Variants in CTNNA3 observed in about 807,000 individuals in gnomAD.
The protein encoded by CTNNA3 is catenin alpha 3.
Under a neutral mutation model 95.7 loss-of-function variants are expected in CTNNA3, and 76 were observed. The observed-to-expected ratio is 0.79, with a 90% CI of 0.66 to 0.96. CTNNA3 has a LOEUF of 0.96. CTNNA3 is among the 40% of genes least tolerant of loss of function. The probability of loss-of-function intolerance (pLI) is 0.00; values close to 1 mark genes in which losing one functional copy is unlikely to be tolerated. For synonymous variants in CTNNA3, 431 were observed against 374.4 expected (o/e 1.15, Z -1.74); for missense variants, 1,191 against 1,089.8 (o/e 1.09, Z -1.31).
chr10:67,649,595 T>C (rs1012076976), intron 1 of CTNNA3, among the ~76,000 whole-genome samples: 21 of 152,242 alleles, frequency 1.4e-4, no homozygotes, highest in African/African-American at 5.1e-4. Context: ...ATATAATTAT[T>C]AATCTTTAAA....
chr10:66,119,626 AATAAG>A (rs1372697930), intron 13 of CTNNA3, among the ~76,000 whole-genome samples: 8 of 152,176 alleles, frequency 5.3e-5, no homozygotes, highest in African/African-American at 1.9e-4. Flanking sequence ...ATAATGAAAA[AATAAG>A]ATAACTTATA....
rs556946327 is a variant in CTNNA3, at chr10:67,483,041, G to A, written c.579+38801C>T. On this transcript the variant is annotated intron_variant, in intron 5 of 17. Coordinates refer to ENST00000433211, the MANE Select transcript of CTNNA3 (RefSeq NM_013266.4). The stretch of plus-strand genomic sequence containing the variant: ...ATGCTCACCATCACTGGCCATCAGA[G>A]AAATGCAAATCAAAACCACAATGAG... 2.3e-3 allele frequency among the ~76,000 whole-genome samples: 355 copies of A among 152,206 alleles called. 2 individuals carry two copies. The highest frequency in any genetic ancestry group is 8.1e-3 in the African/African-American group (336 of 41,496).
chr10:67,232,935 G>A lies in CTNNA3; in HGVS notation c.580-13065C>T, dbSNP rs1024907935. Among the ~76,000 whole-genome samples, 10 of 152,242 alleles carry A rather than the reference G, an allele frequency of 6.6e-5. No individual in the cohort carries two copies. In the East Asian group the frequency reaches 1.7e-3, roughly 26 times the overall value. Reference sequence around the variant, plus strand: ...AAGAAGGCCATTACATAACGGTAAAGGGATCAATTCAACAAGAAGAGCTAA... The same window carrying A: ...AAGAAGGCCATTACATAACGGTAAAAGGATCAATTCAACAAGAAGAGCTAA... On this transcript the variant is annotated intron_variant, in intron 5 of 17. Coordinates refer to ENST00000433211, the MANE Select transcript of CTNNA3 (RefSeq NM_013266.4).
chr10:67,681,061 G>A (rs770038415), intron 1 of CTNNA3, among the ~76,000 whole-genome samples: 1 of 152,198 alleles, frequency 6.6e-6, no homozygotes, highest in Non-Finnish European at 1.5e-5. Flanking sequence ...ACTGAGGGTT[G>A]TAAAAGAAGA....
At chr10:66,884,396 T>C (rs1844962554) in intron 7 of CTNNA3, among the ~76,000 whole-genome samples, 1 of 152,116 alleles carries the variant, frequency 6.6e-6, no homozygotes, top group South Asian at 2.1e-4. Flanking sequence ...GGAGGAATTG[T>C]ATGATTTTCA....
chr10:66,556,077 A>G (rs1842380113), intron 10 of CTNNA3, among the ~76,000 whole-genome samples: 1 of 152,102 alleles, frequency 6.6e-6, no homozygotes, highest in Non-Finnish European at 1.5e-5. Context: ...TTTTCCCAAA[A>G]AGGCATAAAA....
intron 6 of CTNNA3, among the ~76,000 whole-genome samples, chr10:67,203,840 C>A (rs924561489): frequency 2.0e-5 from 3 of 152,094 alleles, no homozygotes; most frequent in Non-Finnish European, 2.9e-5. Flanking sequence ...GGTTTCCAAG[C>A]CAGATTATCT....
intron 3 of CTNNA3, among the ~76,000 whole-genome samples, chr10:67,600,293 T>C (rs1044037126): frequency 6.6e-6 from 1 of 152,260 alleles, no homozygotes; most frequent in African/African-American, 2.4e-5. Flanking sequence ...TCTTCTTGAC[T>C]TTGAAGTAGT....
At chr10:67,394,380 T>G (rs1238864434) in intron 5 of CTNNA3, among the ~76,000 whole-genome samples, 1 of 151,590 alleles carries the variant, frequency 6.6e-6, no homozygotes, top group Non-Finnish European at 1.5e-5. Context: ...ACATCAGTAT[T>G]GTAAAATACA....
At chr10:66,288,523 T>A (rs1416609980) in intron 12 of CTNNA3, among the ~76,000 whole-genome samples, 1 of 152,158 alleles carries the variant, frequency 6.6e-6, no homozygotes. Context: ...TGTTGTTTAA[T>A]ACAGTGGCCA....
intron 7 of CTNNA3, among the ~76,000 whole-genome samples, chr10:67,054,010 A>C (rs908068849): frequency 1.3e-5 from 2 of 152,168 alleles, no homozygotes; most frequent in Admixed American, 1.3e-4. Flanking sequence ...CGATATCTCT[A>C]AAAGAGCCCA....
At chr10:67,124,370 GTGT>G (rs1859613647) in intron 7 of CTNNA3, among the ~76,000 whole-genome samples, 3 of 150,172 alleles carry the variant, frequency 2.0e-5, no homozygotes, top group African/African-American at 7.4e-5. Flanking sequence ...GTGTGTGTGT[GTGT>G]GGTCTATAAA....
At chr10:66,752,744 G>T (rs1372148720) in intron 9 of CTNNA3, among the ~76,000 whole-genome samples, 1 of 151,432 alleles carries the variant, frequency 6.6e-6, no homozygotes, top group Admixed American at 6.6e-5. Context: ...AAGAAAATAG[G>T]GCTTGAAAAT....
At chr10:67,307,245 A>T (rs948824790) in intron 5 of CTNNA3, among the ~76,000 whole-genome samples, 3 of 152,254 alleles carry the variant, frequency 2.0e-5, no homozygotes, top group Non-Finnish European at 4.4e-5. Flanking sequence ...TTCTATTGCT[A>T]CATTTTCGGT....
At chr10:66,264,747 C>A (rs566596301) in intron 13 of CTNNA3, among the ~76,000 whole-genome samples, 1 of 152,040 alleles carries the variant, frequency 6.6e-6, no homozygotes, top group Admixed American at 6.6e-5. Flanking sequence ...TGGAGAAATA[C>A]AACAGACTCA....
chr10:66,881,706 G>T (rs992660221), intron 7 of CTNNA3, among the ~76,000 whole-genome samples: 1 of 152,050 alleles, frequency 6.6e-6, no homozygotes, highest in African/African-American at 2.4e-5. Context: ...TTTTTCAAAA[G>T]AGAAGATGCT....
intron 5 of CTNNA3, among the ~76,000 whole-genome samples, chr10:67,407,585 G>A (rs549118393): frequency 1.1e-3 from 172 of 152,238 alleles, no homozygotes; most frequent in African/African-American, 3.9e-3. Context: ...GCAAGAAAAA[G>A]AAATAATGTG....
In CTNNA3 at chr10:66,514,969, T is replaced by C. The variant is rs193002425; in HGVS notation, c.1531+5648A>G. Among the ~76,000 whole-genome samples, 1,460 of 152,164 alleles carry C rather than the reference T, an allele frequency of 9.6e-3. 21 individuals carry two copies. Among genetic ancestry groups the C allele is most frequent in the African/African-American group, 0.031 (1,302 of 41,524 alleles). The stretch of plus-strand genomic sequence containing the variant: ...TTCAGTTTTAAATATATAACTGCAA[T>C]GGATAAACAGAAGACATTTGTCATT... On this transcript the variant is annotated intron_variant, in intron 11 of 17. Transcript: ENST00000433211.
chr10:67,255,879 A>G (rs1369646055), intron 5 of CTNNA3, among the ~76,000 whole-genome samples: 1 of 152,182 alleles, frequency 6.6e-6, no homozygotes, highest in Non-Finnish European at 1.5e-5. Context: ...TTCAGCTATC[A>G]ACCAGCAGAA....
Sources: allele counts gnomAD v4.1 joint callset (sites outside exome capture counted in the v4.1 genomes callset), GRCh38; gene constraint gnomAD v4.1.1; transcripts MANE v1.5; gene names NCBI Gene and HGNC (gene_info 2026-07-23, HGNC 2026-07-21).